The following ANGPT4 variants were observed in gnomAD, a reference collection of about 807,000 sequenced individuals.
ANGPT4 encodes the protein angiopoietin 4.
Under a neutral mutation model 53.0 loss-of-function variants are expected in ANGPT4, and 50 were observed. That is an observed-to-expected ratio of 0.94 (90% CI 0.75 to 1.20). The LOEUF (loss-of-function observed/expected upper bound fraction) is 1.20, where lower values mean the gene tolerates loss of function less well. Among genes scored for constraint, ANGPT4 ranks in the 50% most tolerant of loss-of-function variants. ANGPT4 has a pLI of 0.00. For missense variants in ANGPT4, 648 were observed against 637.1 expected, an observed-to-expected ratio of 1.02 and a Z score of -0.18; for synonymous variants, 251 against 259.7, an observed-to-expected ratio of 0.97 and a Z score of 0.32.
At position 916,167 on chromosome 20, in the gene ANGPT4, A is replaced by T; in HGVS notation, c.48T>A (p.Val16=). 1 of 1,614,130 alleles carries T rather than the reference A, an allele frequency of 6.2e-7. No individual in the cohort carries two copies. The highest frequency in any genetic ancestry group is 8.5e-7 in the Non-Finnish European group (1 of 1,179,982). Residue 16 remains valine, a synonymous_variant, in exon 1 of 9, where the codon GTT becomes GTA. Coordinates refer to ENST00000381922, the MANE Select transcript of ANGPT4 (RefSeq NM_015985.4). ...AMLQGSLLLV[V]ATMSVAQQTR... Reference sequence around the variant, plus strand: ...TCTGTTGAGCCACAGACATGGTGGCAACCACAAGGAGGAGGCTGCCCTGCA... The same window carrying T: ...TCTGTTGAGCCACAGACATGGTGGCTACCACAAGGAGGAGGCTGCCCTGCA...
intron 6 of ANGPT4, among the ~76,000 whole-genome samples, chr20:879,134 T>C (rs1434353231): frequency 6.6e-6 from 1 of 152,260 alleles, no homozygotes. Flanking sequence ...TATTTTTAAG[T>C]ATTCCTTAAA....
intron 1 of ANGPT4, among the ~76,000 whole-genome samples, chr20:912,134 A>G (rs1033575114): frequency 6.6e-6 from 1 of 152,050 alleles, no homozygotes; most frequent in African/African-American, 2.4e-5. Context: ...CATCTGTATA[A>G]TGGATCATTC....
intron 1 of ANGPT4, among the ~76,000 whole-genome samples, chr20:905,487 G>A (rs1182534597): frequency 6.6e-6 from 1 of 152,278 alleles, no homozygotes; most frequent in East Asian, 1.9e-4. Context: ...GCTGGAGCCT[G>A]TGAGAGGCAA....
intron 8 of ANGPT4, 93 bp from the exon 9 acceptor site, chr20:873,213 A>G: frequency 1.5e-6 from 2 of 1,301,928 alleles, no homozygotes; most frequent in Non-Finnish European, 2.1e-6. Flanking sequence ...AACAAAGACT[A>G]ATCGGGGCTG....
intron 8 of ANGPT4, 35 bp from the exon 9 acceptor site, chr20:873,155 G>A: frequency 1.9e-6 from 3 of 1,608,928 alleles, no homozygotes; most frequent in South Asian, 1.1e-5. Flanking sequence ...CTTGGTGGAG[G>A]TGGGAGCCCA....
chr20:905,860 C>T (rs1413166664), intron 1 of ANGPT4, among the ~76,000 whole-genome samples: 1 of 152,198 alleles, frequency 6.6e-6, no homozygotes, highest in East Asian at 1.9e-4. Context: ...CCCCAAGGCC[C>T]TACAAATACA....
rs55666688 is a variant in ANGPT4 at position 887,636 on chromosome 20, CTTTTTT to C, written c.587+676_587+681del. ...CTGCTTTATCTAAACCTCATGACCG[CTTTTTT>C]TTTTTTTTTTTTGTAATTTAAAGGG... On this transcript the variant is annotated intron_variant, in intron 3 of 8. Transcript: ENST00000381922. 2.3e-5 allele frequency among the ~76,000 whole-genome samples: 3 copies of C among 130,504 alleles called. No homozygotes were observed. The East Asian group carries it at 6.4e-4, about 28-fold the overall frequency. The allele number at this position is 130,504 out of a possible 152,430, so 85.6% of individuals were successfully genotyped here. A position where few individuals can be genotyped will look rare whatever the true frequency, so the allele number is the denominator to read the frequency against.
chr20:897,169 G>A (rs896100802), intron 1 of ANGPT4, among the ~76,000 whole-genome samples: 6 of 152,230 alleles, frequency 3.9e-5, no homozygotes, highest in African/African-American at 1.4e-4. Flanking sequence ...CTGCACCCAG[G>A]TGATTAAAAA....
chr20:893,107 G>A (rs1430486531), intron 1 of ANGPT4, among the ~76,000 whole-genome samples: 1 of 152,172 alleles, frequency 6.6e-6, no homozygotes, highest in Non-Finnish European at 1.5e-5. Flanking sequence ...GGTCCTTAAT[G>A]AAGAAGCCAC....
chr20:877,397 T>C lies in ANGPT4; in HGVS notation c.1220+764A>G, dbSNP rs77066934. 2.5e-3 allele frequency among the ~76,000 whole-genome samples: 374 copies of C among 152,320 alleles called. 1 individual carries two copies. The highest frequency in any genetic ancestry group is 8.4e-3 in the African/African-American group (350 of 41,560). On this transcript the variant is annotated intron_variant, in intron 7 of 8. Coordinates refer to ENST00000381922, the MANE Select transcript of ANGPT4 (RefSeq NM_015985.4). ...TTCTCTGAGAGGCAATATCATGTTG[T>C]GGAGACATCATGAGTTTTGACAGCA...
intron 7 of ANGPT4, among the ~76,000 whole-genome samples, chr20:877,507 C>T (rs147060655): frequency 1.6e-4 from 24 of 152,228 alleles, no homozygotes; most frequent in African/African-American, 5.5e-4. Flanking sequence ...TTCCATATTA[C>T]TAAAGTAGGT....
Position 878,315 on chromosome 20 carries a change from G to A in ANGPT4, c.1066C>T (p.Pro356Ser), listed in dbSNP as rs890966005. The change falls in exon 7 of 9, where the codon CCA becomes TCA. Residue 356 changes from proline (P) to serine (S), a missense_variant. Transcript: ENST00000381922. The stretch of plus-strand genomic sequence containing the variant: ...TTGCCCAGCCAGTGCTCCCCAGCTG[G>A]GTCTCCGAAGCCCTATAGGGAGGGG... ...WKDYKQGFGDPAGEHWLGNEV... is the reference protein window; with the variant it reads ...WKDYKQGFGDSAGEHWLGNEV... 6.2e-7 allele frequency: 1 copy of A among 1,605,412 alleles called. No homozygotes were observed. The highest frequency in any genetic ancestry group is 1.7e-5 in the Admixed American group (1 of 59,850).
At chr20:877,025 C>T (rs969935621) in intron 7 of ANGPT4, among the ~76,000 whole-genome samples, 4 of 151,722 alleles carry the variant, frequency 2.6e-5, no homozygotes, top group Admixed American at 6.6e-5. Flanking sequence ...CACTGCACTC[C>T]AGCCTGGGCA....
chr20:878,396 G>C, intron 6 of ANGPT4, 69 bp from the exon 7 acceptor site: 1 of 1,469,360 alleles, frequency 6.8e-7, no homozygotes, highest in Non-Finnish European at 9.3e-7. Context: ...TGAGGAGCTG[G>C]GCTGGGCCAG....
intron 2 of ANGPT4, among the ~76,000 whole-genome samples, 179 bp downstream of exon 2, chr20:890,034 T>C (rs1981770575): frequency 6.6e-6 from 1 of 152,130 alleles, no homozygotes; most frequent in Admixed American, 6.5e-5. Context: ...CCAGGGCTCA[T>C]AGCTTGGAGA....
chr20:900,401 C>A (rs1982242323), intron 1 of ANGPT4, among the ~76,000 whole-genome samples: 1 of 152,134 alleles, frequency 6.6e-6, no homozygotes, highest in South Asian at 2.1e-4. Context: ...TACAAGAAAC[C>A]TTTAGTACTC....
Position 881,760 on chromosome 20 carries a change from G to A in ANGPT4, c.836-474C>T, listed in dbSNP as rs1286977885. Among the ~76,000 whole-genome samples the A allele has an allele frequency of 2.6e-5, 4 of 152,214 alleles. 1 individual carries two copies. Among genetic ancestry groups the A allele is most frequent in the Non-Finnish European group, 5.9e-5 (4 of 68,040 alleles). ...ATTTCAGCAGGGCCAAGTCAGCCGT[G>A]AGTGCCAGGCTGCGGAGCCCAGATT... On this transcript the variant is annotated intron_variant, in intron 4 of 8. Coordinates refer to ENST00000381922, the MANE Select transcript of ANGPT4 (RefSeq NM_015985.4).
rs1473849452 is a variant in ANGPT4, at chr20:881,099, G to A, written c.951+72C>T. On this transcript the variant is annotated intron_variant, in intron 5 of 8. Transcript: ENST00000381922. ...GGACAAAGCCTGATCCCGATGGGGT[G>A]CGGGGTGTCTGTTTGGGAAGCCCTT... 5 of 1,219,594 alleles carry A rather than the reference G, an allele frequency of 4.1e-6. No individual in the cohort carries two copies. In the East Asian group the frequency reaches 7.7e-5, roughly 19 times the overall value. 75.5% of individuals were successfully genotyped at this position (1,219,594 alleles called of 1,614,324 possible). A position where few individuals can be genotyped will look rare whatever the true frequency, so the allele number is the denominator to read the frequency against.
Position 892,635 on chromosome 20 carries a change from G to A in ANGPT4, c.310-2267C>T, listed in dbSNP as rs767610224. Among the ~76,000 whole-genome samples the A allele has an allele frequency of 1.6e-4, 24 of 150,744 alleles. 1 individual carries two copies. The highest frequency in any genetic ancestry group is 1.0e-4 in the Non-Finnish European group (7 of 67,844). ...GTATAGAGAATAAATATAGCCCATA[G>A]TGCTCATCCTCCTGTATACCTCCAG... On this transcript the variant is annotated intron_variant, in intron 1 of 8. Transcript: ENST00000381922.
Sources: gnomAD v4.1 joint callset for allele counts (sites outside exome capture counted in the v4.1 genomes callset) on GRCh38, gnomAD v4.1.1 for gene constraint, MANE v1.5 for transcripts, NCBI Gene and HGNC (gene_info 2026-07-23, HGNC 2026-07-21) for gene names.